MALRD1: variants seen among roughly 807,000 people sequenced by gnomAD.
The protein encoded by MALRD1 is MAM and LDL receptor class A domain containing 1.
In MALRD1, 247 loss-of-function variants were observed where a neutral mutation model predicts 242.1. The ratio of observed to expected loss-of-function variants is 1.02; its 90% CI spans 0.92 to 1.13. The LOEUF (loss-of-function observed/expected upper bound fraction) is 1.13. MALRD1 is among the 50% of genes most tolerant of loss of function. The pLI is 0.00. For synonymous variants in MALRD1, 995 were observed against 866.6 expected, an observed-to-expected ratio of 1.15 and a Z score of -2.60; for missense variants, 2,989 against 2,533.1, an observed-to-expected ratio of 1.18 and a Z score of -3.86.
At chr10:19,271,974 A>G (rs559530218) in intron 19 of MALRD1, among the ~76,000 whole-genome samples, 121 of 152,296 alleles carry the variant, frequency 7.9e-4, no homozygotes, top group Middle Eastern at 6.8e-3. Context: ...CAGGAAATTG[A>G]CATTTCATTT....
intron 36 of MALRD1, among the ~76,000 whole-genome samples, chr10:19,691,443 C>T (rs965915221): frequency 1.3e-5 from 2 of 152,002 alleles, no homozygotes; most frequent in African/African-American, 4.8e-5. Context: ...AGTTTTTATA[C>T]ACTCATATTC....
intron 16 of MALRD1, 24 bp from the exon 17 acceptor site, chr10:19,204,873 AT>A (rs1588694705): frequency 1.3e-6 from 2 of 1,513,756 alleles, no homozygotes; most frequent in East Asian, 4.9e-5. Flanking sequence ...AATCACTTCC[AT>A]TTCTTACGTT....
chr10:19,494,598 GAGC>G (rs1837632320), intron 30 of MALRD1, among the ~76,000 whole-genome samples: 1 of 152,034 alleles, frequency 6.6e-6, no homozygotes, highest in Non-Finnish European at 1.5e-5. Flanking sequence ...TCACCTAATG[GAGC>G]TAAAAAACAC....
At chr10:19,651,462 C>A (rs1007627431) in intron 36 of MALRD1, among the ~76,000 whole-genome samples, 1 of 151,994 alleles carries the variant, frequency 6.6e-6, no homozygotes, top group Non-Finnish European at 1.5e-5. Context: ...AAAAGAAGGC[C>A]ATTATTTGAA....
intron 31 of MALRD1, among the ~76,000 whole-genome samples, chr10:19,521,234 ACT>A (rs1833868050): frequency 2.0e-5 from 3 of 152,086 alleles, no homozygotes; most frequent in South Asian, 4.2e-4. Context: ...TTATTTACAG[ACT>A]CTATTTCCTG....
intron 19 of MALRD1, among the ~76,000 whole-genome samples, chr10:19,264,478 G>C (rs925858291): frequency 4.1e-5 from 6 of 147,078 alleles, no homozygotes; most frequent in Non-Finnish European, 6.0e-5. Flanking sequence ...TTTTGAGACG[G>C]AGTCTTGCTC....
chr10:19,478,341 G>A (rs747400215), intron 29 of MALRD1, among the ~76,000 whole-genome samples: 7 of 152,120 alleles, frequency 4.6e-5, no homozygotes, highest in South Asian at 2.1e-4. Flanking sequence ...TGTATATGAC[G>A]TCGATGCTTT....
rs368394538 is a variant in MALRD1, at chr10:19,719,223, CATATATATAT to C, written c.6315-11456_6315-11447del. Reference sequence around the variant, plus strand: ...ATATATATATATATACACATACATACATATATATATATATATATATATATATATATATATA... The same window carrying C: ...ATATATATATATATACACATACATACATATATATATATATATATATATATA... On this transcript the variant is annotated intron_variant, in intron 38 of 39. Transcript: ENST00000454679. Among the ~76,000 whole-genome samples the C allele has an allele frequency of 2.8e-3, 215 of 76,430 alleles. 12 individuals are homozygous for C. Among genetic ancestry groups the C allele is most frequent in the African/African-American group, 0.011 (195 of 17,162 alleles). 50.1% of individuals were successfully genotyped at this position (76,430 alleles called of 152,430 possible). A position where few individuals can be genotyped will look rare whatever the true frequency, so the allele number is the denominator to read the frequency against.
In MALRD1 at chr10:19,096,297, G is replaced by A. The variant is rs141636050; in HGVS notation, c.598-7682G>A. On this transcript the variant is annotated intron_variant, in intron 4 of 39. Transcript: ENST00000454679. The stretch of plus-strand genomic sequence containing the variant: ...AACTCCAGAATATGTAATATCCAGG[G>A]TGATTCGGCTGTAGCTGAGACAGCA... 5.5e-3 allele frequency among the ~76,000 whole-genome samples: 835 copies of A among 152,258 alleles called. 11 individuals carry two copies. Among genetic ancestry groups the A allele is most frequent in the African/African-American group, 0.019 (806 of 41,538 alleles).
intron 36 of MALRD1, among the ~76,000 whole-genome samples, chr10:19,690,285 G>A (rs1842762118): frequency 6.6e-6 from 1 of 152,148 alleles, no homozygotes; most frequent in East Asian, 1.9e-4. Context: ...TTAACCGATA[G>A]GATGATATTA....
At chr10:19,514,887 G>GT (rs1425610396) in intron 31 of MALRD1, among the ~76,000 whole-genome samples, 1 of 151,978 alleles carries the variant, frequency 6.6e-6, no homozygotes, top group Non-Finnish European at 1.5e-5. Flanking sequence ...TTCTTGTTTT[G>GT]TATCAGTGTA....
At chr10:19,435,307 C>T (rs1834310122) in intron 28 of MALRD1, among the ~76,000 whole-genome samples, 1 of 152,008 alleles carries the variant, frequency 6.6e-6, no homozygotes, top group South Asian at 2.1e-4. Context: ...CTGTTATTAA[C>T]ATCTTACATT....
Position 19,622,502 on chromosome 10 carries a change from A to G in MALRD1, c.6137+6579A>G, listed in dbSNP as rs77633904. On this transcript the variant is annotated intron_variant, in intron 36 of 39. Coordinates refer to ENST00000454679, the MANE Select transcript of MALRD1 (RefSeq NM_001142308.3). Reference sequence around the variant, plus strand: ...TCCTTTCCTGGATAGTTGACTCAACATCGTAAAGGTGTTACTTCTCCCTAG... The same window carrying G: ...TCCTTTCCTGGATAGTTGACTCAACGTCGTAAAGGTGTTACTTCTCCCTAG... Among the ~76,000 whole-genome samples the G allele has an allele frequency of 4.7e-3, 715 of 151,988 alleles. 9 individuals carry two copies. The East Asian group carries it at 0.06, about 13-fold the overall frequency.
At chr10:19,176,670 G>A (rs1290063373) in intron 14 of MALRD1, among the ~76,000 whole-genome samples, 2 of 151,852 alleles carry the variant, frequency 1.3e-5, no homozygotes, top group East Asian at 1.9e-4. Context: ...CACCGCGCCC[G>A]GCCCTGGGTG....
chr10:19,165,310 T>C (rs1231693728), intron 12 of MALRD1, among the ~76,000 whole-genome samples: 1 of 147,576 alleles, frequency 6.8e-6, no homozygotes, highest in African/African-American at 2.6e-5. Flanking sequence ...TGTTTTGTTT[T>C]GTTTTTTGAG....
chr10:19,435,916 C>T (rs777228621), intron 28 of MALRD1, among the ~76,000 whole-genome samples: 2 of 152,078 alleles, frequency 1.3e-5, no homozygotes, highest in Non-Finnish European at 2.9e-5. Flanking sequence ...CTTTATTCAA[C>T]CATTTATTTA....
intron 18 of MALRD1, among the ~76,000 whole-genome samples, chr10:19,254,429 C>A (rs953605020): frequency 2.6e-5 from 4 of 151,900 alleles, no homozygotes; most frequent in African/African-American, 9.7e-5. Flanking sequence ...TTAATGGATT[C>A]TTGTTTAGAC....
At chr10:19,612,800 G>T (rs948182738) in intron 35 of MALRD1, among the ~76,000 whole-genome samples, 3 of 151,826 alleles carry the variant, frequency 2.0e-5, no homozygotes, top group African/African-American at 7.3e-5. Flanking sequence ...CAGATCTCAT[G>T]AGAACTCTAT....
chr10:19,419,268 C>CTTCT (rs755545894), intron 28 of MALRD1, among the ~76,000 whole-genome samples: 4 of 151,764 alleles, frequency 2.6e-5, no homozygotes, highest in Admixed American at 6.6e-5. Flanking sequence ...TCTTCTTCAT[C>CTTCT]TTCTTTCTTT....
Sources: allele counts gnomAD v4.1 joint callset (sites outside exome capture counted in the v4.1 genomes callset), GRCh38; gene constraint gnomAD v4.1.1; transcripts MANE v1.5; gene names NCBI Gene and HGNC (gene_info 2026-07-23, HGNC 2026-07-21).